Variants in TMEM132D observed in about 807,000 individuals in gnomAD.
TMEM132D encodes the protein mature OL transmembrane protein.
Under a neutral mutation model 62.3 loss-of-function variants are expected in TMEM132D, and 21 were observed. The observed-to-expected ratio is 0.34, with a 90% CI of 0.24 to 0.49. The LOEUF is 0.49. TMEM132D is among the 20% of genes least tolerant of loss of function. The probability of loss-of-function intolerance (pLI) is 0.99; values close to 1 mark genes in which losing one functional copy is unlikely to be tolerated. For missense variants in TMEM132D, 1,346 were observed against 1,402.8 expected (o/e 0.96, Z 0.65); for synonymous variants, 621 against 575.6 (o/e 1.08, Z -1.13).
intron 1 of TMEM132D, among the ~76,000 whole-genome samples, chr12:129,703,044 A>G (rs941963673): frequency 2.0e-5 from 3 of 152,184 alleles, no homozygotes; most frequent in Non-Finnish European, 1.5e-5. Context: ...AGTGTCCCCT[A>G]TTGTTAAAAA....
chr12:129,215,638 C>T (rs1033600179), intron 4 of TMEM132D, among the ~76,000 whole-genome samples: 8 of 152,242 alleles, frequency 5.3e-5, no homozygotes, highest in South Asian at 2.1e-4. Flanking sequence ...TTAAAAGACA[C>T]GTGGTTTCAG....
At chr12:129,721,387 G>A (rs1295460804) in intron 1 of TMEM132D, among the ~76,000 whole-genome samples, 5 of 152,124 alleles carry the variant, frequency 3.3e-5, no homozygotes, top group South Asian at 2.1e-4. Flanking sequence ...ATGCCTTAAC[G>A]GGGTCTTTCT....
chr12:129,170,053 C>T (rs1877678157), intron 5 of TMEM132D: 1 of 152,226 alleles, frequency 6.6e-6, no homozygotes, highest in African/African-American at 2.4e-5. Context: ...CCACACTGGA[C>T]CACGGCCAGG....
chr12:129,678,630 TA>T (rs1593116914), intron 2 of TMEM132D, among the ~76,000 whole-genome samples: 5 of 152,166 alleles, frequency 3.3e-5, no homozygotes, highest in Admixed American at 3.3e-4. Context: ...GGGCTTATTT[TA>T]AAAATGTAGT....
chr12:129,549,786 T>G (rs891794260), intron 2 of TMEM132D, among the ~76,000 whole-genome samples: 1 of 152,214 alleles, frequency 6.6e-6, no homozygotes, highest in African/African-American at 2.4e-5. Context: ...AATAAAGCTT[T>G]GTTATGTCAT....
intron 3 of TMEM132D, among the ~76,000 whole-genome samples, chr12:129,390,957 T>C (rs1871274187): frequency 6.6e-6 from 1 of 152,214 alleles, no homozygotes; most frequent in African/African-American, 2.4e-5. Flanking sequence ...ATTTGTGAGA[T>C]TTAAATGATT....
intron 1 of TMEM132D, among the ~76,000 whole-genome samples, chr12:129,723,111 G>C (rs1868904619): frequency 1.3e-5 from 2 of 152,098 alleles, no homozygotes; most frequent in Admixed American, 1.3e-4. Flanking sequence ...TCTGGAAACG[G>C]CTTAACATGG....
rs542448211 is a variant in TMEM132D, at chr12:129,397,020, TGGTTTATG to T, written c.1116-59211_1116-59204del. The stretch of plus-strand genomic sequence containing the variant: ...GAATATATCACCTAAACATACTTAC[TGGTTTATG>T]GGTGAATCTATTTAATATCTCATAT... On this transcript the variant is annotated intron_variant, in intron 3 of 8. Coordinates refer to ENST00000422113, the MANE Select transcript of TMEM132D (RefSeq NM_133448.3). Among the ~76,000 whole-genome samples the T allele has an allele frequency of 7.9e-5, 12 of 152,324 alleles. No homozygotes were observed. In the East Asian group the frequency reaches 2.3e-3, roughly 29 times the overall value.
At chr12:129,290,033 A>G (rs1479197540) in intron 4 of TMEM132D, among the ~76,000 whole-genome samples, 1 of 152,230 alleles carries the variant, frequency 6.6e-6, no homozygotes, top group East Asian at 1.9e-4. Context: ...ATAGGTTCAT[A>G]TCAATGTTTA....
intron 5 of TMEM132D, among the ~76,000 whole-genome samples, chr12:129,169,676 C>T (rs182943149): frequency 2.0e-4 from 30 of 152,200 alleles, no homozygotes; most frequent in Non-Finnish European, 3.4e-4. Context: ...ATCATCAAGA[C>T]GAGGGGCTGA....
chr12:129,900,851 C>T (rs1039696493), intron 1 of TMEM132D, among the ~76,000 whole-genome samples: 10 of 152,144 alleles, frequency 6.6e-5, no homozygotes, highest in Non-Finnish European at 1.5e-4. Context: ...GGGGAAACTC[C>T]GTGTGTCATA....
At chr12:129,404,999 G>T (rs373671777) in intron 3 of TMEM132D, among the ~76,000 whole-genome samples, 21 of 152,284 alleles carry the variant, frequency 1.4e-4, no homozygotes, top group African/African-American at 4.8e-4. Context: ...GGACCACAGG[G>T]TGGATGTGAA....
intron 3 of TMEM132D, among the ~76,000 whole-genome samples, chr12:129,414,498 T>C (rs1407432109): frequency 1.3e-5 from 2 of 152,166 alleles, no homozygotes; most frequent in African/African-American, 4.8e-5. Flanking sequence ...GGGTTGGCAA[T>C]GAACCTAGCC....
At chr12:129,492,963 G>A (rs1378296823) in intron 3 of TMEM132D, among the ~76,000 whole-genome samples, 4 of 152,184 alleles carry the variant, frequency 2.6e-5, no homozygotes, top group South Asian at 2.1e-4. Context: ...GATGGATAGC[G>A]GCGCCAAGTC....
rs1275991143 is a variant in TMEM132D, at chr12:129,269,017, T to C, written c.1300-59354A>G. Among the ~76,000 whole-genome samples the C allele has an allele frequency of 1.2e-3, 97 of 79,446 alleles. No individual in the cohort carries two copies. The East Asian group carries it at 0.035, about 29-fold the overall frequency. The allele number at this position is 79,446 out of a possible 152,430, so 52.1% of individuals were successfully genotyped here. ...GGGAACATCACACACCGGGGCCTGT[T>C]GTGGGGTGGGGGGAGGGGGGAGGGA... On this transcript the variant is annotated intron_variant, in intron 4 of 8. Coordinates refer to ENST00000422113, the MANE Select transcript of TMEM132D (RefSeq NM_133448.3).
intron 3 of TMEM132D, among the ~76,000 whole-genome samples, chr12:129,399,993 T>C (rs1005138175): frequency 1.3e-5 from 2 of 152,134 alleles, no homozygotes; most frequent in African/African-American, 4.8e-5. Flanking sequence ...TTTGGTAAAG[T>C]GTGATTGTGA....
intron 5 of TMEM132D, among the ~76,000 whole-genome samples, chr12:129,198,614 T>C (rs1479089239): frequency 1.3e-5 from 2 of 152,228 alleles, no homozygotes; most frequent in African/African-American, 4.8e-5. Context: ...AAACAATGGA[T>C]GTCATCAAAG....
chr12:129,776,831 TAAG>T (rs1002841497), intron 1 of TMEM132D, among the ~76,000 whole-genome samples: 3 of 150,032 alleles, frequency 2.0e-5, no homozygotes, highest in Non-Finnish European at 4.5e-5. Context: ...CCCTTCCTCT[TAAG>T]GAGGAAAAAA....
chr12:129,436,675 C>T (rs1470688659), intron 3 of TMEM132D, among the ~76,000 whole-genome samples: 1 of 152,144 alleles, frequency 6.6e-6, no homozygotes, highest in Non-Finnish European at 1.5e-5. Flanking sequence ...ATGAACAGAT[C>T]TCCAAAACAT....
Sources: gnomAD v4.1 joint callset for allele counts (sites outside exome capture counted in the v4.1 genomes callset) on GRCh38, gnomAD v4.1.1 for gene constraint, MANE v1.5 for transcripts, NCBI Gene and HGNC (gene_info 2026-07-23, HGNC 2026-07-21) for gene names.